Variants in C10orf71 observed in about 807,000 individuals in gnomAD.
C10orf71 encodes the protein chromosome 10 open reading frame 71, also known as cardiac-enriched FHL2-interacting protein.
For missense variants in C10orf71, 1,869 were observed against 1,804.5 expected, an observed-to-expected ratio of 1.04 and a Z score of -0.65; for synonymous variants, 758 against 726.3, an observed-to-expected ratio of 1.04 and a Z score of -0.70.
In C10orf71 at chr10:49,324,257, A is replaced by T. The variant is rs185555584; in HGVS notation, c.1712A>T (p.Asn571Ile). 4.2e-4 allele frequency: 685 copies of T among 1,613,862 alleles called. No individual in the cohort carries two copies. Among genetic ancestry groups the T allele is most frequent in the Admixed American group, 5.7e-4 (34 of 60,006 alleles). Residue 571 changes from asparagine (N) to isoleucine (I), a missense_variant, in exon 3 of 3, where the codon AAT (asparagine) becomes ATT (isoleucine). By Grantham distance (149) the Asn-to-Ile change is moderately radical. Transcript: ENST00000374144. ...PADDPTASHI[N>I]PQKDPTADPS... Reference sequence around the variant, plus strand: ...GATGACCCCACTGCATCACACATCAATCCCCAGAAGGACCCTACAGCTGAC... The same window carrying T: ...GATGACCCCACTGCATCACACATCATTCCCCAGAAGGACCCTACAGCTGAC...
intron 2 of C10orf71, among the ~76,000 whole-genome samples, chr10:49,317,211 GC>G: frequency 1.3e-5 from 2 of 152,242 alleles, no homozygotes; most frequent in South Asian, 4.1e-4. Context: ...AGTGGTCAAA[GC>G]CACTCAGGTT....
Position 49,324,013 on chromosome 10 carries a change from G to C in C10orf71, c.1468G>C (p.Asp490His). The C allele has an allele frequency of 6.2e-7, 1 of 1,613,650 alleles. No homozygotes were observed. Among genetic ancestry groups the C allele is most frequent in the Non-Finnish European group, 8.5e-7 (1 of 1,179,698 alleles). The change falls in exon 3 of 3, where the codon GAC becomes CAC. Residue 490 changes from aspartate to histidine, a missense_variant. Asp to His is a moderately conservative substitution (Grantham distance 81). Transcript: ENST00000374144. ...GGAGCCCAGTGAATGTCAGTCTCGA[G>C]ACAGCTACAAGTCCAAAGCCCCTAG... ...EKEPSECQSRDSYKSKAPSLL... is the reference protein window; with the variant it reads ...EKEPSECQSRHSYKSKAPSLL...
rs1342596013 is a variant in C10orf71, at chr10:49,322,486, A to C, written c.-60A>C. 1 of 1,500,688 alleles carries C rather than the reference A, an allele frequency of 6.7e-7. No homozygotes were observed. The highest frequency in any genetic ancestry group is 1.4e-5 in the African/African-American group (1 of 72,096). The allele number at this position is 1,500,688 out of a possible 1,614,324, so 93.0% of individuals were successfully genotyped here. The stretch of plus-strand genomic sequence containing the variant: ...GGGAAGAGGGAAACACCTAACCTTG[A>C]CAGAATCATCACCAGAGACACCTGC... On this transcript the variant is annotated 5_prime_UTR_variant, in exon 3 of 3. Transcript: ENST00000374144.
chr10:49,314,554 G>A (rs1207208223), intron 1 of C10orf71, among the ~76,000 whole-genome samples: 1 of 152,168 alleles, frequency 6.6e-6, no homozygotes, highest in African/African-American at 2.4e-5. Context: ...GAGTCCATGA[G>A]GCAACTGCCT....
At position 49,322,769 on chromosome 10, in the gene C10orf71, C is replaced by T. The variant is rs771197090; in HGVS notation, c.224C>T (p.Thr75Ile). The T allele has an allele frequency of 1.2e-6, 2 of 1,613,608 alleles. No individual in the cohort carries two copies. The highest frequency in any genetic ancestry group is 1.7e-6 in the Non-Finnish European group (2 of 1,179,598). Residue 75 changes from threonine (T) to isoleucine (I), a missense_variant, in exon 3 of 3, where the codon ACC becomes ATC. Coordinates refer to ENST00000374144, the MANE Select transcript of C10orf71 (RefSeq NM_001135196.2). ...GTFHQRTVGH[T>I]QRKSGIWSQL... is the part of the protein sequence containing the mutation. ...TTTCACCAGAGAACAGTGGGCCACACCCAGAGGAAAAGTGGCATTTGGAGC... is the reference window on the plus strand; with the variant it reads ...TTTCACCAGAGAACAGTGGGCCACATCCAGAGGAAAAGTGGCATTTGGAGC...
chr10:49,326,924 AACACAC>A lies in C10orf71; in HGVS notation c.*104_*109del. 4.9e-4 allele frequency: 517 copies of A among 1,046,492 alleles called. 1 individual carries two copies. Among genetic ancestry groups the A allele is most frequent in the South Asian group, 3.9e-3 (229 of 58,950 alleles). 64.8% of individuals were successfully genotyped at this position (1,046,492 alleles called of 1,614,324 possible). ...TACTTCCCCCTCCCCCAAAACAAGCAACACACACACACACACACACACACACACACA... is the reference window on the plus strand; with the variant it reads ...TACTTCCCCCTCCCCCAAAACAAGCAACACACACACACACACACACACACA... On this transcript the variant is annotated 3_prime_UTR_variant, in exon 3 of 3. Transcript: ENST00000374144.
intron 2 of C10orf71, among the ~76,000 whole-genome samples, chr10:49,317,765 C>T (rs1043314378): frequency 4.6e-5 from 7 of 152,174 alleles, no homozygotes; most frequent in African/African-American, 1.2e-4. Context: ...GTGGGAAGAT[C>T]ACTTGAGTCC....
Position 49,323,563 on chromosome 10 carries a change from G to T in C10orf71, c.1018G>T (p.Ala340Ser). ...CAGTCAGGAAGAGAACAGACTTGCA[G>T]CAGGGGCTCTGTCCACATCTATACC... ...SCSQEENRLAAGALSTSIPWG... is the reference protein window; with the variant it reads ...SCSQEENRLASGALSTSIPWG... Residue 340 changes from alanine (A) to serine (S), a missense_variant, in exon 3 of 3, where the codon GCA (alanine) becomes TCA (serine). Coordinates refer to ENST00000374144, the MANE Select transcript of C10orf71 (RefSeq NM_001135196.2). 2 of 1,605,556 alleles carry T rather than the reference G, an allele frequency of 1.2e-6. No homozygotes were observed. Among genetic ancestry groups the T allele is most frequent in the Non-Finnish European group, 1.7e-6 (2 of 1,175,114 alleles).
chr10:49,312,661 A>T (rs1422190868), intron 1 of C10orf71, among the ~76,000 whole-genome samples: 3 of 152,102 alleles, frequency 2.0e-5, no homozygotes, highest in Non-Finnish European at 4.4e-5. Context: ...GTCTCTTTTC[A>T]TCTCCCCCTG....
chr10:49,309,571 G>A (rs1848875489), intron 1 of C10orf71, among the ~76,000 whole-genome samples: 1 of 152,182 alleles, frequency 6.6e-6, no homozygotes, highest in Non-Finnish European at 1.5e-5. Flanking sequence ...ATAAAGCATA[G>A]ACCATAGACA....
intron 1 of C10orf71, among the ~76,000 whole-genome samples, chr10:49,308,179 G>A (rs1332758272): frequency 6.6e-6 from 1 of 152,184 alleles, no homozygotes; most frequent in Non-Finnish European, 1.5e-5. Context: ...ACAAGCCCAG[G>A]CAAGCTGGTT....
rs776686854 is a variant in C10orf71, at chr10:49,324,273, T to TA, written c.1729dup (p.Thr577AsnfsTer3). 1 of 1,613,882 alleles carries TA rather than the reference T, an allele frequency of 6.2e-7. No individual in the cohort carries two copies. The highest frequency in any genetic ancestry group is 2.2e-5 in the East Asian group (1 of 44,872). ...CACACATCAATCCCCAGAAGGACCC[T>TA]ACAGCTGACCCCAGTGAGCCCTCTG... On this transcript the variant is annotated frameshift_variant, in exon 3 of 3. Coordinates refer to ENST00000374144, the MANE Select transcript of C10orf71 (RefSeq NM_001135196.2). LOFTEE classifies it low-confidence loss of function (END_TRUNC).
chr10:49,322,039 G>C (rs1365974287), intron 2 of C10orf71, among the ~76,000 whole-genome samples: 6 of 152,024 alleles, frequency 3.9e-5, no homozygotes, highest in Admixed American at 2.6e-4. Context: ...TCATTTTTGT[G>C]ATTGTTTCCC....
chr10:49,310,279 C>T (rs771196514), intron 1 of C10orf71, among the ~76,000 whole-genome samples: 2 of 152,232 alleles, frequency 1.3e-5, no homozygotes, highest in Non-Finnish European at 2.9e-5. Flanking sequence ...ATCCTTATTA[C>T]ATGACGTGAA....
chr10:49,324,245 C>T lies in C10orf71; in HGVS notation c.1700C>T (p.Ala567Val), dbSNP rs866295870. The change falls in exon 3 of 3, where the codon GCA (alanine) becomes GTA (valine). Residue 567 changes from alanine (A) to valine (V), a missense_variant. Physicochemically the swap from Ala to Val is moderately conservative, Grantham distance 64. Transcript: ENST00000374144. ...SKERPADDPTASHINPQKDPT... is the reference protein window; with the variant it reads ...SKERPADDPTVSHINPQKDPT... ...GAGAGACCCGCTGATGACCCCACTG[C>T]ATCACACATCAATCCCCAGAAGGAC... The T allele has an allele frequency of 1.2e-6, 2 of 1,613,864 alleles. No homozygotes were observed. The highest frequency in any genetic ancestry group is 1.3e-5 in the African/African-American group (1 of 74,912).
chr10:49,315,564 G>C (rs115972017), intron 1 of C10orf71, among the ~76,000 whole-genome samples: 2,112 of 152,242 alleles, frequency 0.014, 51 homozygotes, highest in African/African-American at 0.048. Context: ...TCACAACTGG[G>C]TCAATCATAT....
rs767880029 is a variant in C10orf71, at chr10:49,325,726, TC to T, written c.3186del (p.Glu1064ArgfsTer50). On this transcript the variant is annotated frameshift_variant, in exon 3 of 3. Coordinates refer to ENST00000374144, the MANE Select transcript of C10orf71 (RefSeq NM_001135196.2). LOFTEE classifies it low-confidence loss of function (END_TRUNC). ...GAGGGCGAATTCCCCCAACCCCGGC[TC>T]CCCCGGGGAGAGCAGTGCCTGCTCC... ...SERANSPNPG[S>X]PGESSACSPA... 4.5e-6 allele frequency: 7 copies of T among 1,551,192 alleles called. No individual in the cohort carries two copies. Among genetic ancestry groups the T allele is most frequent in the African/African-American group, 4.1e-5 (3 of 73,028 alleles).
chr10:49,312,874 T>G (rs1848939740), intron 1 of C10orf71, among the ~76,000 whole-genome samples: 1 of 152,188 alleles, frequency 6.6e-6, no homozygotes, highest in East Asian at 1.9e-4. Flanking sequence ...TAATTTGAAA[T>G]TTGTGATAAT....
At position 49,324,269 on chromosome 10, in the gene C10orf71, A is replaced by G. The variant is rs1849167970; in HGVS notation, c.1724A>G (p.Asp575Gly). Residue 575 changes from aspartate (D) to glycine (G), a missense_variant, in exon 3 of 3, where the codon GAC becomes GGC. Physicochemically the swap from Asp to Gly is moderately conservative, Grantham distance 94 (BLOSUM62 -1). Transcript: ENST00000374144. ...PTASHINPQK[D>G]PTADPSEPSA... ...GCATCACACATCAATCCCCAGAAGG[A>G]CCCTACAGCTGACCCCAGTGAGCCC... 1.2e-6 allele frequency: 2 copies of G among 1,613,770 alleles called. No homozygotes were observed. The highest frequency in any genetic ancestry group is 2.2e-5 in the South Asian group (2 of 91,054).
Sources: allele counts gnomAD v4.1 joint callset (sites outside exome capture counted in the v4.1 genomes callset), GRCh38; gene constraint gnomAD v4.1.1; transcripts MANE v1.5; gene names NCBI Gene and HGNC (gene_info 2026-07-23, HGNC 2026-07-21).